Variants in DNALI1 observed in about 807,000 individuals in gnomAD.
DNALI1 encodes the protein dynein axonemal light intermediate chain 1.
In DNALI1, 31 loss-of-function variants were observed where a neutral mutation model predicts 33.9. The ratio of observed to expected loss-of-function variants is 0.91; its 90% CI spans 0.69 to 1.23. The LOEUF is 1.23. Among genes scored for constraint, DNALI1 ranks in the 50% most tolerant of loss-of-function variants. The pLI is 0.00. For missense variants in DNALI1, 305 were observed against 323.8 expected, an observed-to-expected ratio of 0.94 and a Z score of 0.44; for synonymous variants, 117 against 129.2, an observed-to-expected ratio of 0.91 and a Z score of 0.64.
rs1643444911 is a variant in DNALI1 at position 37,561,936 on chromosome 1, G to GTAGACGCTCC, written c.577-144_577-135dup. The stretch of plus-strand genomic sequence containing the variant: ...TGGTCTTGGCAGAGTTGTTTCCGCT[G>GTAGACGCTCC]TAGACGCTCCATGCCAGGCACTGAC... On this transcript the variant is annotated intron_variant, in intron 4 of 5. Transcript: ENST00000652629. The surrounding 1 kb of genome is among the most constrained non-coding windows in gnomAD (Gnocchi z 4.6). 2 of 1,417,716 alleles carry GTAGACGCTCC rather than the reference G, an allele frequency of 1.4e-6. No homozygotes were observed. The highest frequency in any genetic ancestry group is 1.9e-6 in the Non-Finnish European group (2 of 1,040,878). 87.8% of individuals were successfully genotyped at this position (1,417,716 alleles called of 1,614,324 possible).
chr1:37,562,289 G>A lies in DNALI1; in HGVS notation c.741+44G>A, dbSNP rs376104831. 5.2e-4 allele frequency: 824 copies of A among 1,585,114 alleles called. No homozygotes were observed. The highest frequency in any genetic ancestry group is 6.7e-4 in the Non-Finnish European group (778 of 1,165,718). ...GGGGTGGAGGTGCCCCCTGCCCTGC[G>A]ACCCAGCCCCACAGGCCAGGCATTC... On this transcript the variant is annotated intron_variant, in intron 5 of 5. Transcript: ENST00000652629. The surrounding 1 kb of genome is among the most constrained non-coding windows in gnomAD (Gnocchi z 5.8).
chr1:37,566,699 GT>G lies in DNALI1; in HGVS notation c.*1640del, dbSNP rs561062099. On this transcript the variant is annotated 3_prime_UTR_variant, in exon 6 of 6. Transcript: ENST00000652629. ...GACTCTTATCACTGAAATCCTTAAGGTTGAGGAGGCTTTATTTCCCTAGCAC... is the reference window on the plus strand; with the variant it reads ...GACTCTTATCACTGAAATCCTTAAGGTGAGGAGGCTTTATTTCCCTAGCAC... 4.1e-4 allele frequency: 275 copies of G among 677,154 alleles called. No individual in the cohort carries two copies. In the African/African-American group the frequency reaches 4.6e-3, roughly 11 times the overall value. The allele number at this position is 677,154 out of a possible 1,614,324, so 41.9% of individuals were successfully genotyped here.
chr1:37,557,738 C>G lies in DNALI1; in HGVS notation c.217C>G (p.Leu73Val). The G allele has an allele frequency of 1.2e-6, 2 of 1,613,748 alleles. No individual in the cohort carries two copies. Among genetic ancestry groups the G allele is most frequent in the Non-Finnish European group, 8.5e-7 (1 of 1,179,850 alleles). The change falls in exon 2 of 6, where the codon CTA becomes GTA. Residue 73 changes from leucine to valine, a missense_variant. By Grantham distance (32) the Leu-to-Val change is conservative (BLOSUM62 1). Transcript: ENST00000652629. ...KQAEEILNAI[L>V]PPREWVEDTQ... ...GGCAGAAGAAATCTTGAATGCCATA[C>G]TACCCCCAAGGTAAGAAAGTAGGAG...
chr1:37,565,140 A>AT lies in DNALI1; in HGVS notation c.*80dup. 6.5e-7 allele frequency: 1 copy of AT among 1,534,394 alleles called. No homozygotes were observed. The highest frequency in any genetic ancestry group is 9.0e-7 in the Non-Finnish European group (1 of 1,109,764). On this transcript the variant is annotated 3_prime_UTR_variant, in exon 6 of 6. Transcript: ENST00000652629. ...TCCTCTGGCAGCCAATAAAATCATC[A>AT]TAAGCCCTTTGTAATAAAAAGCTAG...
chr1:37,565,270 A>G lies in DNALI1; in HGVS notation c.*209A>G. On this transcript the variant is annotated 3_prime_UTR_variant, in exon 6 of 6. Coordinates refer to ENST00000652629, the MANE Select transcript of DNALI1 (RefSeq NM_003462.5). The stretch of plus-strand genomic sequence containing the variant: ...ATCAGACACCTAAGGTCTGCCAGCC[A>G]GGCTCCTGGCTGGGCAATGGAAGAT... 1.7e-6 allele frequency: 1 copy of G among 596,616 alleles called. No individual in the cohort carries two copies. Among genetic ancestry groups the G allele is most frequent in the South Asian group, 2.0e-5 (1 of 49,100 alleles). The allele number at this position is 596,616 out of a possible 1,614,324, so 37.0% of individuals were successfully genotyped here. A position where few individuals can be genotyped will look rare whatever the true frequency, so the allele number is the denominator to read the frequency against.
intron 5 of DNALI1, among the ~76,000 whole-genome samples, 185 bp from the exon 6 acceptor site, chr1:37,564,841 C>T (rs1643481426): frequency 6.6e-6 from 1 of 152,148 alleles, no homozygotes. Context: ...TCCTCATATA[C>T]TAAAGACTGT....
chr1:37,557,457 A>T, intron 1 of DNALI1, 146 bp from the exon 2 acceptor site: 1 of 1,120,388 alleles, frequency 8.9e-7, no homozygotes, highest in Non-Finnish European at 1.3e-6. Flanking sequence ...CAGCTCTGTG[A>T]CATAATTTCT....
chr1:37,560,004 G>A (rs531400907), intron 3 of DNALI1, among the ~76,000 whole-genome samples: 3 of 152,314 alleles, frequency 2.0e-5, no homozygotes, highest in South Asian at 2.1e-4. Flanking sequence ...CACGTAGGCC[G>A]GATTTATGCT....
chr1:37,557,224 G>T, intron 1 of DNALI1, 149 bp downstream of exon 1: 2 of 1,298,404 alleles, frequency 1.5e-6, no homozygotes, highest in Non-Finnish European at 2.1e-6. Context: ...GAGGGTGAGA[G>T]GATTGTATAG....
intron 5 of DNALI1, among the ~76,000 whole-genome samples, chr1:37,564,263 G>A (rs1643473115): frequency 7.2e-6 from 1 of 139,830 alleles, no homozygotes; most frequent in Non-Finnish European, 1.5e-5. Context: ...AAGAGGGACA[G>A]CTCTGTATTC....
rs567586099 is a variant in DNALI1, at chr1:37,561,042, G to T, written c.398-515G>T. On this transcript the variant is annotated intron_variant, in intron 3 of 5. Transcript: ENST00000652629. This position sits in a 1 kb window ranked among gnomAD's most constrained non-coding sequence, Gnocchi z 4.6. Reference sequence around the variant, plus strand: ...CTCCAAACCCTCAGGCAGCTGCAGGGTCTAGCAGGCTTCCCTATCCGTGTG... The same window carrying T: ...CTCCAAACCCTCAGGCAGCTGCAGGTTCTAGCAGGCTTCCCTATCCGTGTG... The T allele has an allele frequency of 7.1e-4, 111 of 155,514 alleles. 1 individual carries two copies. The South Asian group carries it at 8.6e-3, about 12-fold the overall frequency. 9.6% of individuals were successfully genotyped at this position (155,514 alleles called of 1,614,324 possible).
In DNALI1 at chr1:37,566,820, T is replaced by TG. The variant is rs1557635025; in HGVS notation, c.*1760dup. ...GAAGAAAACACAATTTCTAACTGCC[T>TG]GTTTTTGTATAATTTAATAAAAACC... On this transcript the variant is annotated 3_prime_UTR_variant, in exon 6 of 6. Transcript: ENST00000652629. 1.3e-6 allele frequency: 2 copies of TG among 1,590,878 alleles called. No homozygotes were observed. The highest frequency in any genetic ancestry group is 2.2e-5 in the South Asian group (2 of 89,992).
At position 37,562,077 on chromosome 1, in the gene DNALI1, T is replaced by C; in HGVS notation, c.577-4T>C. Reference sequence around the variant, plus strand: ...CCCAGGATGACTGGGCATTCTCTCCTCAGATCGCAGAATTGGAGACGGAAA... The same window carrying C: ...CCCAGGATGACTGGGCATTCTCTCCCCAGATCGCAGAATTGGAGACGGAAA... On this transcript the variant is annotated splice_polypyrimidine_tract_variant and splice_region_variant and intron_variant, in intron 4 of 5. Transcript: ENST00000652629. This position sits in a 1 kb window ranked among gnomAD's most constrained non-coding sequence, Gnocchi z 5.8. The C allele has an allele frequency of 2.5e-6, 4 of 1,613,668 alleles. No homozygotes were observed. The highest frequency in any genetic ancestry group is 8.5e-7 in the Non-Finnish European group (1 of 1,179,896).
At chr1:37,564,908 A>G (rs1643482042) in intron 5 of DNALI1, 118 bp from the exon 6 acceptor site, 3 of 1,078,690 alleles carry the variant, frequency 2.8e-6, no homozygotes, top group Non-Finnish European at 4.2e-6. Context: ...TCAAGGGGAA[A>G]AAGAACCCTT....
In DNALI1 at chr1:37,557,598, C is replaced by G; in HGVS notation, c.82-5C>G. ...TTCCTGCCCTCACCTGTGCCTTCATCTCAGGCTCGGCTACTGAAAGTCAGC... is the reference window on the plus strand; with the variant it reads ...TTCCTGCCCTCACCTGTGCCTTCATGTCAGGCTCGGCTACTGAAAGTCAGC... On this transcript the variant is annotated splice_region_variant and splice_polypyrimidine_tract_variant and intron_variant, in intron 1 of 5. Coordinates refer to ENST00000652629, the MANE Select transcript of DNALI1 (RefSeq NM_003462.5). 1 of 1,612,004 alleles carries G rather than the reference C, an allele frequency of 6.2e-7. No individual in the cohort carries two copies. The highest frequency in any genetic ancestry group is 8.5e-7 in the Non-Finnish European group (1 of 1,179,162).
At position 37,561,677 on chromosome 1, in the gene DNALI1, C is replaced by T. The variant is rs202055051; in HGVS notation, c.518C>T (p.Ala173Val). The T allele has an allele frequency of 3.1e-6, 5 of 1,614,058 alleles. No homozygotes were observed. The highest frequency in any genetic ancestry group is 1.1e-5 in the South Asian group (1 of 91,062). The change falls in exon 4 of 6, where the codon GCG becomes GTG. Residue 173 changes from alanine to valine, a missense_variant. Transcript: ENST00000652629. The surrounding 1 kb of genome is among the most constrained non-coding windows in gnomAD (Gnocchi z 4.6). ...AYQTLYESSVAFGMRKALQAE... is the reference protein window; with the variant it reads ...AYQTLYESSVVFGMRKALQAE... ...CAGACCCTGTACGAGAGCAGCGTGG[C>T]GTTTGGCATGAGGAAGGCACTGCAG...
At chr1:37,564,350 C>CAGCAGA (rs1028263072) in intron 5 of DNALI1, among the ~76,000 whole-genome samples, 12 of 151,972 alleles carry the variant, frequency 7.9e-5, no homozygotes, top group African/African-American at 2.7e-4. Flanking sequence ...CCTCTGGTCC[C>CAGCAGA]AGCAGAACTC....
In DNALI1 at chr1:37,561,272, C is replaced by T; in HGVS notation, c.398-285C>T. The T allele has an allele frequency of 2.7e-6, 1 of 371,032 alleles. No individual in the cohort carries two copies. Among genetic ancestry groups the T allele is most frequent in the Non-Finnish European group, 4.9e-6 (1 of 203,074 alleles). The allele number at this position is 371,032 out of a possible 1,614,324, so 23.0% of individuals were successfully genotyped here. A position where few individuals can be genotyped will look rare whatever the true frequency, so the allele number is the denominator to read the frequency against. Reference sequence around the variant, plus strand: ...TACCTAAGGCAGGAAGGGAGGGGACCCAGTGCTGTAAACAAACCAGAGCCT... The same window carrying T: ...TACCTAAGGCAGGAAGGGAGGGGACTCAGTGCTGTAAACAAACCAGAGCCT... On this transcript the variant is annotated intron_variant, in intron 3 of 5. Coordinates refer to ENST00000652629, the MANE Select transcript of DNALI1 (RefSeq NM_003462.5). This position sits in a 1 kb window ranked among gnomAD's most constrained non-coding sequence, Gnocchi z 4.6.
chr1:37,558,978 A>G (rs1384243770), intron 2 of DNALI1, among the ~76,000 whole-genome samples: 2 of 152,094 alleles, frequency 1.3e-5, no homozygotes, highest in African/African-American at 4.8e-5. Context: ...TGTGTTTCCC[A>G]CCCCGTAAGT....
Sources: gnomAD v4.1 joint callset for allele counts (sites outside exome capture counted in the v4.1 genomes callset) on GRCh38, gnomAD v4.1.1 for gene constraint, Gnocchi (gnomAD v3.1) non-coding constraint, MANE v1.5 for transcripts, NCBI Gene and HGNC (gene_info 2026-07-23, HGNC 2026-07-21) for gene names.